The following SPOCK1 variants were observed in gnomAD, a reference collection of about 807,000 sequenced individuals.
SPOCK1 encodes the protein testican-1.
A neutral mutation model predicts 55.3 loss-of-function variants in SPOCK1; 23 were observed. The ratio of observed to expected loss-of-function variants is 0.42; its 90% CI spans 0.30 to 0.59. The LOEUF is 0.59. Ranked by LOEUF, SPOCK1 falls within the 20% of genes least tolerant of loss-of-function variation. The pLI is 0.22. For synonymous variants in SPOCK1, 226 were observed against 221.0 expected (o/e 1.02, Z -0.20); for missense variants, 499 against 552.5 (o/e 0.90, Z 0.97).
intron 3 of SPOCK1, among the ~76,000 whole-genome samples, chr5:137,232,652 T>G (rs1756088461): frequency 6.6e-6 from 1 of 152,206 alleles, no homozygotes; most frequent in Non-Finnish European, 1.5e-5. Flanking sequence ...CAAAATCACT[T>G]TAGCTATTCT....
chr5:137,289,315 G>A (rs1489925838), intron 2 of SPOCK1, among the ~76,000 whole-genome samples: 1 of 151,842 alleles, frequency 6.6e-6, no homozygotes, highest in African/African-American at 2.4e-5. Flanking sequence ...CTATTTTAAG[G>A]GAAAATGGTT....
chr5:137,334,549 T>A (rs939411893), intron 2 of SPOCK1, among the ~76,000 whole-genome samples: 2 of 152,144 alleles, frequency 1.3e-5, no homozygotes, highest in African/African-American at 4.8e-5. Context: ...TGCTCCACAT[T>A]CTCTCCAAAG....
chr5:137,131,999 TATATATATATATATATATATA>T (rs1561621162), intron 4 of SPOCK1, among the ~76,000 whole-genome samples: 12 of 50,826 alleles, frequency 2.4e-4, no homozygotes, highest in Admixed American at 1.0e-3. Context: ...AATATATATA[TATATATATATATATATATATA>T]AAAAATTAGC....
At chr5:137,440,007 C>G (rs527950282) in intron 2 of SPOCK1, among the ~76,000 whole-genome samples, 2 of 152,042 alleles carry the variant, frequency 1.3e-5, no homozygotes, top group South Asian at 4.2e-4. Context: ...TGGAGGAAAG[C>G]CTTTCACGGG....
intron 5 of SPOCK1, among the ~76,000 whole-genome samples, chr5:137,100,435 G>C (rs1231901083): frequency 6.6e-6 from 1 of 152,218 alleles, no homozygotes; most frequent in African/African-American, 2.4e-5. Flanking sequence ...AATGGTAGAA[G>C]ACAACGTGCA....
intron 2 of SPOCK1, among the ~76,000 whole-genome samples, chr5:137,452,733 T>G (rs1388986777): frequency 6.6e-6 from 1 of 152,200 alleles, no homozygotes; most frequent in Non-Finnish European, 1.5e-5. Context: ...AAAGCTATAG[T>G]TTCCCTTTTG....
intron 2 of SPOCK1, among the ~76,000 whole-genome samples, chr5:137,380,583 T>C (rs1000446596): frequency 1.3e-5 from 2 of 152,174 alleles, no homozygotes; most frequent in South Asian, 2.1e-4. Context: ...TTAACAATCA[T>C]GGCAGAAGAT....
chr5:137,153,285 C>T (rs1754353509), intron 3 of SPOCK1, among the ~76,000 whole-genome samples: 1 of 152,200 alleles, frequency 6.6e-6, no homozygotes, highest in Non-Finnish European at 1.5e-5. Flanking sequence ...CTTAAGATTT[C>T]CAGGTCACAA....
intron 2 of SPOCK1, among the ~76,000 whole-genome samples, chr5:137,274,435 T>G (rs1259901828): frequency 6.6e-6 from 1 of 152,208 alleles, no homozygotes; most frequent in Non-Finnish European, 1.5e-5. Context: ...TCAATTTCTT[T>G]ATCCATAAAA....
chr5:137,485,676 G>A (rs1242227337), intron 2 of SPOCK1, among the ~76,000 whole-genome samples: 4 of 151,366 alleles, frequency 2.6e-5, no homozygotes, highest in Admixed American at 6.6e-5. Context: ...CAATATAACA[G>A]GTAAATAAAT....
chr5:137,449,909 A>G (rs1198671343), intron 2 of SPOCK1, among the ~76,000 whole-genome samples: 10 of 139,486 alleles, frequency 7.2e-5, no homozygotes, highest in Admixed American at 1.5e-4. Flanking sequence ...AAAAAAAAAA[A>G]AAAAAAAAGA....
chr5:137,097,887 C>T (rs1376781532), intron 5 of SPOCK1, among the ~76,000 whole-genome samples: 1 of 152,268 alleles, frequency 6.6e-6, no homozygotes, highest in African/African-American at 2.4e-5. Context: ...GTGCCTGCTG[C>T]CGTTACCACC....
chr5:137,233,179 T>C lies in SPOCK1; in HGVS notation c.232+33831A>G, dbSNP rs546774394. ...GCAGGCAGGGATGGTTTCAGGATGA[T>C]TCAAGTACATTATATTTATTGTGTA... On this transcript the variant is annotated intron_variant, in intron 3 of 10. Transcript: ENST00000394945. Among the ~76,000 whole-genome samples, 8 of 152,310 alleles carry C rather than the reference T, an allele frequency of 5.3e-5. No homozygotes were observed. The South Asian group carries it at 1.7e-3, about 32-fold the overall frequency.
At position 137,384,457 on chromosome 5, in the gene SPOCK1, A is replaced by G. The variant is rs374883878; in HGVS notation, c.186+113916T>C. ...TAATGAAACTTCCCTGGGTAAGGTA[A>G]TAATTGTTTTCTGCAGCTGCCATCA... On this transcript the variant is annotated intron_variant, in intron 2 of 10. Coordinates refer to ENST00000394945, the MANE Select transcript of SPOCK1 (RefSeq NM_004598.4). 7.2e-5 allele frequency among the ~76,000 whole-genome samples: 11 copies of G among 152,220 alleles called. No individual in the cohort carries two copies. In the East Asian group the frequency reaches 7.7e-4, roughly 11 times the overall value.
intron 3 of SPOCK1, among the ~76,000 whole-genome samples, chr5:137,169,066 G>T (rs562042077): frequency 6.6e-6 from 1 of 152,224 alleles, no homozygotes; most frequent in African/African-American, 2.4e-5. Flanking sequence ...TGGTCATTAC[G>T]TTAAGGGAAG....
intron 3 of SPOCK1, among the ~76,000 whole-genome samples, chr5:137,169,130 TAAAA>T: frequency 6.6e-6 from 1 of 152,010 alleles, no homozygotes; most frequent in East Asian, 1.9e-4. Flanking sequence ...AGCTAAACAT[TAAAA>T]CAATTGAATG....
At chr5:137,230,099 C>T (rs1342434805) in intron 3 of SPOCK1, among the ~76,000 whole-genome samples, 6 of 152,254 alleles carry the variant, frequency 3.9e-5, no homozygotes, top group African/African-American at 1.4e-4. Context: ...GGAAACTAAG[C>T]TTGCCCCATC....
At chr5:137,453,664 G>A (rs1753305202) in intron 2 of SPOCK1, among the ~76,000 whole-genome samples, 1 of 152,104 alleles carries the variant, frequency 6.6e-6, no homozygotes, top group Non-Finnish European at 1.5e-5. Flanking sequence ...TTCTTAATAA[G>A]CCTATCAGCA....
rs192870476 is a variant in SPOCK1 at position 137,101,823 on chromosome 5, G to T, written c.474+10612C>A. Among the ~76,000 whole-genome samples, 314 of 152,282 alleles carry T rather than the reference G, an allele frequency of 2.1e-3. 1 individual carries two copies. The highest frequency in any genetic ancestry group is 7.3e-3 in the African/African-American group (304 of 41,558). ...AGAACTAAGGACAGATGTGTCCCACGATCAGAAGAAAGTATTAAAGCATTA... is the reference window on the plus strand; with the variant it reads ...AGAACTAAGGACAGATGTGTCCCACTATCAGAAGAAAGTATTAAAGCATTA... On this transcript the variant is annotated intron_variant, in intron 5 of 10. Coordinates refer to ENST00000394945, the MANE Select transcript of SPOCK1 (RefSeq NM_004598.4).
Sources: allele counts gnomAD v4.1 joint callset (sites outside exome capture counted in the v4.1 genomes callset), GRCh38; gene constraint gnomAD v4.1.1; transcripts MANE v1.5; gene names NCBI Gene and HGNC (gene_info 2026-07-23, HGNC 2026-07-21).